Variants in SH3BGRL2 observed in about 807,000 individuals in gnomAD.
SH3BGRL2 encodes the protein SH3 domain binding glutamate rich protein like 2, also known as SH3 domain-binding glutamic acid-rich-like protein 2.
Under a neutral mutation model 14.8 loss-of-function variants are expected in SH3BGRL2, and 21 were observed. The observed-to-expected ratio is 1.42, with a 90% CI of 1.01 to 2.05. The LOEUF (loss-of-function observed/expected upper bound fraction) is 2.05, where lower values mean the gene tolerates loss of function less well. Ranked by LOEUF, SH3BGRL2 falls within the 30% of genes most tolerant of loss-of-function variation. SH3BGRL2 has a pLI of 0.00. For synonymous variants in SH3BGRL2, 50 were observed against 47.8 expected (o/e 1.05, Z -0.19); for missense variants, 147 against 130.8 (o/e 1.12, Z -0.61).
At chr6:79,587,771 A>G in the SH3BGRL2 span, among the ~76,000 whole-genome samples, 1 of 152,230 alleles carries the variant, frequency 6.6e-6, no homozygotes, top group East Asian at 1.9e-4. Context: ...ATGTATATAT[A>G]GAGGCCTTTG....
chr6:79,544,952 TAAG>T, the SH3BGRL2 span, among the ~76,000 whole-genome samples: 1 of 152,154 alleles, frequency 6.6e-6, no homozygotes, highest in African/African-American at 2.4e-5. Flanking sequence ...AAGTATAAAA[TAAG>T]GAGAAAACAG....
chr6:79,689,509 AAT>A (rs1490640792), intron 2 of SH3BGRL2, among the ~76,000 whole-genome samples: 1 of 152,180 alleles, frequency 6.6e-6, no homozygotes, highest in Non-Finnish European at 1.5e-5. Context: ...GATTATTGAT[AAT>A]GTTACATATT....
At chr6:79,677,863 A>T (rs748603263) in intron 2 of SH3BGRL2, among the ~76,000 whole-genome samples, 15 of 152,172 alleles carry the variant, frequency 9.9e-5, no homozygotes, top group Non-Finnish European at 1.6e-4. Flanking sequence ...GGGTGATGAG[A>T]TTCTAAAGGT....
intron 1 of SH3BGRL2, among the ~76,000 whole-genome samples, chr6:79,662,532 C>T: frequency 6.6e-6 from 1 of 152,202 alleles, no homozygotes; most frequent in East Asian, 1.9e-4. Flanking sequence ...GTCTGATGGG[C>T]TTCCCTTTGC....
the SH3BGRL2 span, chr6:79,574,565 A>G: frequency 6.6e-6 from 1 of 152,156 alleles, no homozygotes; most frequent in Non-Finnish European, 1.5e-5. Flanking sequence ...TCTAAAATCT[A>G]GTGGTCCTTC....
At chr6:79,637,938 A>G (rs1768958806) in intron 1 of SH3BGRL2, among the ~76,000 whole-genome samples, 1 of 152,326 alleles carries the variant, frequency 6.6e-6, no homozygotes, top group South Asian at 2.1e-4. Flanking sequence ...TCTTTTACCC[A>G]TTATAAGTAG....
the SH3BGRL2 span, among the ~76,000 whole-genome samples, chr6:79,559,623 CA>C: frequency 6.6e-6 from 1 of 152,150 alleles, no homozygotes; most frequent in Non-Finnish European, 1.5e-5. Flanking sequence ...AAATGCTATA[CA>C]GGACATGATT....
intron 1 of SH3BGRL2, among the ~76,000 whole-genome samples, chr6:79,669,305 C>T (rs1443086024): frequency 6.6e-6 from 1 of 151,986 alleles, no homozygotes; most frequent in East Asian, 1.9e-4. Context: ...AAAGGTGAGC[C>T]CTCAAGGATA....
chr6:79,630,860 G>T (rs1047634863), upstream of SH3BGRL2, among the ~76,000 whole-genome samples: 1 of 152,014 alleles, frequency 6.6e-6, no homozygotes, highest in Non-Finnish European at 1.5e-5. Context: ...CAACCCCACC[G>T]CCCACACCTC....
the SH3BGRL2 span, among the ~76,000 whole-genome samples, chr6:79,587,719 C>G: frequency 6.6e-6 from 1 of 152,052 alleles, no homozygotes; most frequent in Non-Finnish European, 1.5e-5. Context: ...GATAAATTAA[C>G]AAGAGAAAAG....
the SH3BGRL2 span, chr6:79,575,410 T>A: frequency 6.6e-6 from 1 of 152,182 alleles, no homozygotes; most frequent in Non-Finnish European, 1.5e-5. Flanking sequence ...TTTTGTCAAT[T>A]TTTAAGCTAA....
At chr6:79,603,380 C>T in the SH3BGRL2 span, among the ~76,000 whole-genome samples, 1 of 152,154 alleles carries the variant, frequency 6.6e-6, no homozygotes, top group Non-Finnish European at 1.5e-5. Context: ...TATAACGAGG[C>T]AGTGTCACAG....
At chr6:79,687,949 C>A (rs1219627011) in intron 2 of SH3BGRL2, among the ~76,000 whole-genome samples, 2 of 152,164 alleles carry the variant, frequency 1.3e-5, no homozygotes, top group African/African-American at 4.8e-5. Context: ...AGAGTGGCTG[C>A]TGTGAGCTTT....
intron 3 of SH3BGRL2, among the ~76,000 whole-genome samples, chr6:79,698,112 G>A (rs567125172): frequency 6.6e-6 from 1 of 152,068 alleles, no homozygotes; most frequent in Non-Finnish European, 1.5e-5. Context: ...GAGGGCCCTG[G>A]ACACTGCCCC....
At chr6:79,694,650 G>A (rs553024786) in intron 2 of SH3BGRL2, among the ~76,000 whole-genome samples, 2 of 152,232 alleles carry the variant, frequency 1.3e-5, no homozygotes, top group East Asian at 3.9e-4. Context: ...ATTACATGTT[G>A]AAATTGAACT....
At chr6:79,583,729 A>G in the SH3BGRL2 span, among the ~76,000 whole-genome samples, 2 of 152,182 alleles carry the variant, frequency 1.3e-5, no homozygotes, top group East Asian at 1.9e-4. Flanking sequence ...ATGTATACCT[A>G]TGTATGAAAC....
chr6:79,608,126 C>T, the SH3BGRL2 span, among the ~76,000 whole-genome samples: 72 of 152,226 alleles, frequency 4.7e-4, no homozygotes, highest in African/African-American at 1.5e-3. Context: ...CACTTTTAAA[C>T]AGGTCTCGTG....
intron 1 of SH3BGRL2, among the ~76,000 whole-genome samples, chr6:79,647,562 G>C (rs1276849956): frequency 6.6e-6 from 1 of 152,024 alleles, no homozygotes; most frequent in Non-Finnish European, 1.5e-5. Context: ...TAATCTTGGG[G>C]AGCAAAGATG....
At chr6:79,657,190 G>T (rs1243382733) in intron 1 of SH3BGRL2, among the ~76,000 whole-genome samples, 2 of 152,102 alleles carry the variant, frequency 1.3e-5, no homozygotes, top group Non-Finnish European at 2.9e-5. Context: ...AGCCAATGAG[G>T]AGTATAAAAT....
Sources: allele counts gnomAD v4.1 joint callset (sites outside exome capture counted in the v4.1 genomes callset), GRCh38; gene constraint gnomAD v4.1.1; transcripts MANE v1.5; gene names NCBI Gene and HGNC (gene_info 2026-07-23, HGNC 2026-07-21).